NTN4: variants seen among roughly 807,000 people sequenced by gnomAD.
NTN4 encodes the protein netrin 4, also known as netrin-4.
NTN4 carries 32 observed loss-of-function variants against 73.6 expected under a neutral mutation model. That is an observed-to-expected ratio of 0.44 (90% CI 0.33 to 0.58). The LOEUF is 0.58. NTN4 is among the 20% of genes least tolerant of loss of function. The pLI, the probability that NTN4 is intolerant of heterozygous loss-of-function variation, is 0.04. For missense variants in NTN4, 654 were observed against 798.3 expected, an observed-to-expected ratio of 0.82 and a Z score of 2.18; for synonymous variants, 258 against 287.5, an observed-to-expected ratio of 0.90 and a Z score of 1.04.
intron 2 of NTN4, among the ~76,000 whole-genome samples, chr12:95,761,284 T>C (rs2078984680): frequency 6.0e-5 from 9 of 150,506 alleles, no homozygotes; most frequent in Admixed American, 5.6e-4. Context: ...ATTCTGTGCA[T>C]AGTAAAAGTG....
intron 5 of NTN4, among the ~76,000 whole-genome samples, chr12:95,701,392 A>G (rs1347890000): frequency 1.1e-4 from 17 of 152,100 alleles, no homozygotes; most frequent in Non-Finnish European, 5.9e-5. Flanking sequence ...GTGTTTACAG[A>G]CCTTAAATGC....
intron 2 of NTN4, among the ~76,000 whole-genome samples, chr12:95,752,051 C>A (rs35202071): frequency 1.3e-5 from 2 of 151,270 alleles, no homozygotes; most frequent in Non-Finnish European, 2.9e-5. Flanking sequence ...CCTCTTGTAT[C>A]CCCCCACCTT....
At chr12:95,774,641 G>A (rs1242007075) in intron 2 of NTN4, among the ~76,000 whole-genome samples, 1 of 152,138 alleles carries the variant, frequency 6.6e-6, no homozygotes, top group Non-Finnish European at 1.5e-5. Context: ...ATAAAACCCC[G>A]ATTAAGTAAT....
intron 2 of NTN4, among the ~76,000 whole-genome samples, chr12:95,779,743 A>G (rs943074243): frequency 6.6e-6 from 1 of 152,134 alleles, no homozygotes; most frequent in Admixed American, 6.6e-5. Context: ...AAAGTAATTT[A>G]TAGATTCAAT....
intron 7 of NTN4, chr12:95,670,986 ATGTATATATT>A (rs2078224804): frequency 1.3e-5 from 2 of 151,910 alleles, no homozygotes; most frequent in African/African-American, 2.4e-5. Flanking sequence ...GTATGTATGT[ATGTATATATT>A]TATTTATTTA....
At position 95,788,907 on chromosome 12, in the gene NTN4, A is replaced by G. The variant is rs1194357093; in HGVS notation, c.55+1348T>C. The stretch of plus-strand genomic sequence containing the variant: ...CCTGTACAAGTATTTTTGACTTGAA[A>G]CACTTGCCTTGTGATGTTTATTTAC... On this transcript the variant is annotated intron_variant, in intron 1 of 9. Transcript: ENST00000343702. 2.0e-5 allele frequency among the ~76,000 whole-genome samples: 3 copies of G among 152,170 alleles called. No homozygotes were observed. In the South Asian group the frequency reaches 6.2e-4, roughly 32 times the overall value.
At chr12:95,701,239 G>A (rs889019979) in intron 5 of NTN4, among the ~76,000 whole-genome samples, 4 of 152,162 alleles carry the variant, frequency 2.6e-5, no homozygotes, top group African/African-American at 9.6e-5. Flanking sequence ...TTTGAACAGA[G>A]AGATGAGATT....
intron 2 of NTN4, among the ~76,000 whole-genome samples, chr12:95,775,081 C>A (rs774206839): frequency 6.6e-6 from 1 of 152,206 alleles, no homozygotes; most frequent in Non-Finnish European, 1.5e-5. Flanking sequence ...CATTTAGATT[C>A]CTTTTCAAAT....
intron 2 of NTN4, among the ~76,000 whole-genome samples, chr12:95,763,434 A>T (rs2079001673): frequency 6.6e-6 from 1 of 152,114 alleles, no homozygotes; most frequent in South Asian, 2.1e-4. Flanking sequence ...GTTCCCTGAA[A>T]CTCCTAATAC....
chr12:95,768,476 A>G (rs2079034980), intron 2 of NTN4, among the ~76,000 whole-genome samples: 1 of 152,060 alleles, frequency 6.6e-6, no homozygotes, highest in Non-Finnish European at 1.5e-5. Flanking sequence ...AGAGAGTGAG[A>G]AAGAACATGG....
intron 2 of NTN4, among the ~76,000 whole-genome samples, chr12:95,739,251 C>T (rs942336332): frequency 6.6e-6 from 1 of 152,084 alleles, no homozygotes; most frequent in Admixed American, 6.6e-5. Flanking sequence ...TAAATTCATT[C>T]GCATACTGAA....
chr12:95,786,382 G>A (rs887175662), intron 2 of NTN4, among the ~76,000 whole-genome samples: 2 of 152,184 alleles, frequency 1.3e-5, no homozygotes, highest in Non-Finnish European at 2.9e-5. Context: ...CTGTTTTGCA[G>A]AATGAGTTTA....
intron 5 of NTN4, among the ~76,000 whole-genome samples, chr12:95,707,572 T>C (rs149178279): frequency 3.4e-4 from 52 of 152,294 alleles, no homozygotes; most frequent in African/African-American, 1.2e-3. Context: ...TATTTTTTTC[T>C]TCTTTGATGA....
intron 9 of NTN4, among the ~76,000 whole-genome samples, chr12:95,660,748 G>A (rs1480055806): frequency 2.6e-5 from 4 of 152,044 alleles, no homozygotes; most frequent in Admixed American, 1.3e-4. Context: ...TTTTAAAAAC[G>A]AAATTAAGTG....
At chr12:95,788,418 C>T (rs1197360294) in intron 1 of NTN4, among the ~76,000 whole-genome samples, 5 of 152,202 alleles carry the variant, frequency 3.3e-5, no homozygotes, top group Admixed American at 3.3e-4. Flanking sequence ...ACATTATCCA[C>T]TTATTAACAT....
At chr12:95,700,083 T>TTTTA (rs2078472510) in intron 5 of NTN4, among the ~76,000 whole-genome samples, 1 of 41,288 alleles carries the variant, frequency 2.4e-5, no homozygotes, top group South Asian at 8.6e-4. Context: ...AGTGAGGATT[T>TTTTA]TTTTTTTTTT....
chr12:95,725,135 G>A (rs1427842751), intron 3 of NTN4, among the ~76,000 whole-genome samples: 1 of 151,508 alleles, frequency 6.6e-6, no homozygotes, highest in Non-Finnish European at 1.5e-5. Context: ...ATTTTAGAAA[G>A]AGGCAGCAAA....
In NTN4 at chr12:95,738,095, C is replaced by G; in HGVS notation, c.635G>C (p.Ser212Thr). The G allele has an allele frequency of 6.2e-7, 1 of 1,614,104 alleles. No individual in the cohort carries two copies. The highest frequency in any genetic ancestry group is 8.5e-7 in the Non-Finnish European group (1 of 1,179,980). The stretch of plus-strand genomic sequence containing the variant: ...CTTCAGCTGCTCCTGAACTTTGGCA[C>G]TGTAAGGGTTCTCTGTATCGTATGG... ...SPPYDTENPY[S>T]AKVQEQLKIT... The change falls in exon 3 of 10, where the codon AGT becomes ACT. Residue 212 changes from serine to threonine, a missense_variant. By Grantham distance (58) the Ser-to-Thr change is moderately conservative. Transcript: ENST00000343702.
intron 5 of NTN4, among the ~76,000 whole-genome samples, chr12:95,700,638 T>C: frequency 6.6e-6 from 1 of 152,070 alleles, no homozygotes; most frequent in South Asian, 2.1e-4. Flanking sequence ...AGTTTGAAAC[T>C]GGCCGTGGTG....
Sources: gnomAD v4.1 joint callset for allele counts (sites outside exome capture counted in the v4.1 genomes callset) on GRCh38, gnomAD v4.1.1 for gene constraint, MANE v1.5 for transcripts, NCBI Gene and HGNC (gene_info 2026-07-23, HGNC 2026-07-21) for gene names.